Variants in GNG12 observed in about 807,000 individuals in gnomAD.
The protein encoded by GNG12 is G protein subunit gamma 12, also known as guanine nucleotide-binding protein G(I)/G(S)/G(O) subunit gamma-12.
For synonymous variants in GNG12, 28 were observed against 29.7 expected (o/e 0.94, Z 0.19); for missense variants, 69 against 83.8 (o/e 0.82, Z 0.69).
At chr1:67,831,558 T>G (rs565441177) in intron 1 of GNG12, among the ~76,000 whole-genome samples, 39 of 152,190 alleles carry the variant, frequency 2.6e-4, no homozygotes, top group Non-Finnish European at 4.7e-4. Context: ...AGGACTGCAT[T>G]ATTTATAAGG....
At chr1:67,740,327 C>G (rs1646475987) in intron 2 of GNG12, among the ~76,000 whole-genome samples, 1 of 152,232 alleles carries the variant, frequency 6.6e-6, no homozygotes, top group Non-Finnish European at 1.5e-5. Context: ...CCCTGCTGAT[C>G]TGGGGCAGGG....
At chr1:67,710,060 ATAGT>A (rs1646280982) in intron 2 of GNG12, among the ~76,000 whole-genome samples, 1 of 41,086 alleles carries the variant, frequency 2.4e-5, no homozygotes, top group African/African-American at 9.0e-5. Flanking sequence ...TTATATATAT[ATAGT>A]TATATATATA....
intron 2 of GNG12, among the ~76,000 whole-genome samples, chr1:67,737,854 T>G (rs1461472382): frequency 6.6e-6 from 1 of 152,216 alleles, no homozygotes; most frequent in African/African-American, 2.4e-5. Context: ...TGCAATAAAC[T>G]GTCCACTCCC....
intron 2 of GNG12, among the ~76,000 whole-genome samples, chr1:67,750,253 G>C (rs1321765058): frequency 6.6e-6 from 1 of 152,196 alleles, no homozygotes. Context: ...AAAAATGAGA[G>C]AGTCTTTGGT....
At position 67,703,582 on chromosome 1, in the gene GNG12, T is replaced by C. The variant is rs1463629856; in HGVS notation, c.*1869A>G. 6.6e-6 allele frequency: 1 copy of C among 152,188 alleles called. No individual in the cohort carries two copies. The highest frequency in any genetic ancestry group is 1.5e-5 in the Non-Finnish European group (1 of 68,036). The allele number at this position is 152,188 out of a possible 1,614,324, so 9.4% of individuals were successfully genotyped here. ...TAGTGTAAATTTCAAATCTCACCCT[T>C]TGAGAGGTAAAATCTTCCTCTCTCC... On this transcript the variant is annotated 3_prime_UTR_variant, in exon 4 of 4. Coordinates refer to ENST00000370982, the MANE Select transcript of GNG12 (RefSeq NM_018841.6).
intron 1 of GNG12, among the ~76,000 whole-genome samples, chr1:67,807,938 C>G (rs1446835980): frequency 2.0e-5 from 3 of 152,042 alleles, no homozygotes; most frequent in Non-Finnish European, 2.9e-5. Context: ...CAGAAGCAGA[C>G]AGAATACATC....
At chr1:67,710,672 G>A (rs1646289967) in intron 2 of GNG12, among the ~76,000 whole-genome samples, 1 of 152,128 alleles carries the variant, frequency 6.6e-6, no homozygotes, top group Non-Finnish European at 1.5e-5. Flanking sequence ...TTATAGTCAA[G>A]ACTAAAAACA....
intron 2 of GNG12, among the ~76,000 whole-genome samples, chr1:67,712,754 C>A (rs1035996319): frequency 9.2e-5 from 14 of 151,494 alleles, no homozygotes; most frequent in Middle Eastern, 3.5e-3. Flanking sequence ...CTTCCCACTG[C>A]GCCAAGGAAA....
At chr1:67,738,893 A>G (rs899116712) in intron 2 of GNG12, among the ~76,000 whole-genome samples, 1 of 152,138 alleles carries the variant, frequency 6.6e-6, no homozygotes, top group African/African-American at 2.4e-5. Flanking sequence ...AACAACAGAA[A>G]TGGGACTGGG....
intron 2 of GNG12, among the ~76,000 whole-genome samples, chr1:67,726,008 T>C (rs1482594605): frequency 6.6e-6 from 1 of 152,190 alleles, no homozygotes; most frequent in Non-Finnish European, 1.5e-5. Flanking sequence ...TTTTACTCAC[T>C]CAAATTTAAG....
rs1055711564 is a variant in GNG12 at position 67,705,006 on chromosome 1, C to G, written c.*445G>C. The stretch of plus-strand genomic sequence containing the variant: ...AGGCATATATATATACACACAAACA[C>G]CCCTCTCTCTTATATACTATACAGG... On this transcript the variant is annotated 3_prime_UTR_variant, in exon 4 of 4. Coordinates refer to ENST00000370982, the MANE Select transcript of GNG12 (RefSeq NM_018841.6). 6.5e-6 allele frequency: 1 copy of G among 153,574 alleles called. No homozygotes were observed. The allele number at this position is 153,574 out of a possible 1,614,324, so 9.5% of individuals were successfully genotyped here. A position where few individuals can be genotyped will look rare whatever the true frequency, so the allele number is the denominator to read the frequency against.
chr1:67,755,743 G>T (rs1308853853), intron 2 of GNG12, among the ~76,000 whole-genome samples: 1 of 152,104 alleles, frequency 6.6e-6, no homozygotes, highest in Non-Finnish European at 1.5e-5. Context: ...CAAAATGTTT[G>T]CTAAAGGAAT....
At chr1:67,715,006 T>C (rs1477851245) in intron 2 of GNG12, among the ~76,000 whole-genome samples, 1 of 152,168 alleles carries the variant, frequency 6.6e-6, no homozygotes, top group Non-Finnish European at 1.5e-5. Context: ...CACTGCAGCC[T>C]CCACCTATTT....
intron 2 of GNG12, among the ~76,000 whole-genome samples, chr1:67,732,463 A>T (rs1570495370): frequency 6.6e-6 from 1 of 152,206 alleles, no homozygotes; most frequent in East Asian, 1.9e-4. Flanking sequence ...TCTTATTTTA[A>T]AAGAGGGGAC....
At chr1:67,736,265 C>A (rs577830477) in intron 2 of GNG12, among the ~76,000 whole-genome samples, 23 of 152,164 alleles carry the variant, frequency 1.5e-4, no homozygotes, top group South Asian at 1.2e-3. Context: ...GCCTGCCAAG[C>A]GTGAGAGTGT....
chr1:67,714,397 G>A (rs1035942743), intron 2 of GNG12, among the ~76,000 whole-genome samples: 4 of 152,170 alleles, frequency 2.6e-5, no homozygotes, highest in Admixed American at 6.5e-5. Context: ...AAGGCCTTGG[G>A]AGAGGACTGA....
chr1:67,805,841 A>C (rs1287066116), intron 1 of GNG12, among the ~76,000 whole-genome samples: 1 of 151,878 alleles, frequency 6.6e-6, no homozygotes, highest in Non-Finnish European at 1.5e-5. Flanking sequence ...TAAAAAAAAA[A>C]ACCTAGGCAT....
chr1:67,749,195 G>C (rs1373384928), intron 2 of GNG12, among the ~76,000 whole-genome samples: 1 of 152,220 alleles, frequency 6.6e-6, no homozygotes, highest in African/African-American at 2.4e-5. Context: ...GAGGGAGACA[G>C]ATTTGGGTTC....
chr1:67,706,387 G>A (rs963759536), intron 3 of GNG12, among the ~76,000 whole-genome samples: 5 of 152,166 alleles, frequency 3.3e-5, no homozygotes, highest in African/African-American at 7.2e-5. Flanking sequence ...TTGGGCTTGC[G>A]GAAGTAAAAA....
Sources: allele counts gnomAD v4.1 joint callset (sites outside exome capture counted in the v4.1 genomes callset), GRCh38; gene constraint gnomAD v4.1.1; transcripts MANE v1.5; gene names NCBI Gene and HGNC (gene_info 2026-07-23, HGNC 2026-07-21).